CCNY: variants seen among roughly 807,000 people sequenced by gnomAD.
CCNY encodes the protein cyclin Y, also known as cyclin-Y.
In CCNY, 19 loss-of-function variants were observed where a neutral mutation model predicts 42.8. The ratio of observed to expected loss-of-function variants is 0.44; its 90% CI spans 0.31 to 0.65. CCNY has a LOEUF of 0.65. Ranked by LOEUF, CCNY falls within the 30% of genes least tolerant of loss-of-function variation. The pLI, the probability that CCNY is intolerant of heterozygous loss-of-function variation, is 0.07. For synonymous variants in CCNY, 165 were observed against 162.7 expected (o/e 1.01, Z -0.11); for missense variants, 370 against 437.3 (o/e 0.85, Z 1.37).
intron 5 of CCNY, among the ~76,000 whole-genome samples, chr10:35,526,538 A>T (rs1413184027): frequency 6.6e-6 from 1 of 152,250 alleles, no homozygotes; most frequent in African/African-American, 2.4e-5. Flanking sequence ...TAAAACATGT[A>T]AGAATACATT....
intron 1 of CCNY, among the ~76,000 whole-genome samples, chr10:35,470,586 G>A (rs1839373069): frequency 6.6e-6 from 1 of 152,234 alleles, no homozygotes; most frequent in Non-Finnish European, 1.5e-5. Context: ...AGTGTGTTAT[G>A]ATAGTCCAGA....
intron 1 of CCNY, among the ~76,000 whole-genome samples, chr10:35,471,171 T>G (rs762412304): frequency 3.9e-5 from 6 of 152,054 alleles, no homozygotes; most frequent in Non-Finnish European, 5.9e-5. Flanking sequence ...TGTCTAGACC[T>G]AAGTGGACAG....
At chr10:35,544,420 A>T (rs556384523) in intron 7 of CCNY, among the ~76,000 whole-genome samples, 141 of 152,362 alleles carry the variant, frequency 9.3e-4, no homozygotes, top group Non-Finnish European at 1.7e-3. Flanking sequence ...TTGGAGCAAT[A>T]GGTCATACCA....
At chr10:35,483,705 T>C (rs1189444966) in intron 2 of CCNY, among the ~76,000 whole-genome samples, 1 of 152,242 alleles carries the variant, frequency 6.6e-6, no homozygotes, top group African/African-American at 2.4e-5. Context: ...ATCAGCTATA[T>C]TATTTCTACA....
intron 1 of CCNY, among the ~76,000 whole-genome samples, chr10:35,480,975 A>T (rs1384136977): frequency 6.6e-6 from 1 of 152,212 alleles, no homozygotes; most frequent in African/African-American, 2.4e-5. Flanking sequence ...CAAAAACAAA[A>T]AAACAAACCA....
At chr10:35,454,417 C>G (rs192412746) in intron 1 of CCNY, among the ~76,000 whole-genome samples, 3 of 152,356 alleles carry the variant, frequency 2.0e-5, no homozygotes, top group Admixed American at 2.0e-4. Flanking sequence ...GTGAACCCCC[C>G]ACCAGGAACT....
intron 3 of CCNY, among the ~76,000 whole-genome samples, chr10:35,512,634 A>G (rs1050033569): frequency 1.3e-5 from 2 of 152,158 alleles, no homozygotes; most frequent in African/African-American, 4.8e-5. Flanking sequence ...CATTTTGAAG[A>G]AGCCGAGGGA....
At chr10:35,365,053 G>A (rs372955834) in intron 1 of CCNY, among the ~76,000 whole-genome samples, 1 of 152,152 alleles carries the variant, frequency 6.6e-6, no homozygotes, top group East Asian at 1.9e-4. Context: ...TTTGGAAGGT[G>A]GAAAATTCCA....
chr10:35,294,319 A>G (rs779034567), intron 3 of CCNY, among the ~76,000 whole-genome samples: 1 of 152,190 alleles, frequency 6.6e-6, no homozygotes, highest in African/African-American at 2.4e-5. Flanking sequence ...GAGAGCAGAT[A>G]TCTTTGTCTT....
intron 1 of CCNY, among the ~76,000 whole-genome samples, chr10:35,457,742 G>A (rs1160446283): frequency 2.0e-5 from 3 of 151,866 alleles, no homozygotes; most frequent in Non-Finnish European, 4.4e-5. Context: ...CACCACACCC[G>A]GCTAATTTTT....
At chr10:35,423,541 G>A (rs1326195028) in intron 1 of CCNY, among the ~76,000 whole-genome samples, 1 of 150,456 alleles carries the variant, frequency 6.6e-6, no homozygotes, top group Non-Finnish European at 1.5e-5. Flanking sequence ...GACGTACATT[G>A]AGGGTGTTTG....
intron 8 of CCNY, among the ~76,000 whole-genome samples, chr10:35,559,394 A>G (rs1195460894): frequency 6.6e-6 from 1 of 152,238 alleles, no homozygotes; most frequent in Non-Finnish European, 1.5e-5. Flanking sequence ...TGCTCGTAGT[A>G]TACTGTGAGA....
In CCNY at chr10:35,563,666, T is replaced by G. The variant is rs924111534; in HGVS notation, c.747-2357T>G. Reference sequence around the variant, plus strand: ...ATTTAAATGAAGCATAAATAAAAGTTGTTTTAAGTAAAAATTATCCCAAAT... The same window carrying G: ...ATTTAAATGAAGCATAAATAAAAGTGGTTTTAAGTAAAAATTATCCCAAAT... On this transcript the variant is annotated intron_variant, in intron 8 of 9. Coordinates refer to ENST00000374704, the MANE Select transcript of CCNY (RefSeq NM_145012.6). 9.8e-4 allele frequency among the ~76,000 whole-genome samples: 150 copies of G among 152,306 alleles called. 2 individuals are homozygous for G. Among genetic ancestry groups the G allele is most frequent in the Non-Finnish European group, 1.8e-4 (12 of 68,022 alleles).
At chr10:35,454,371 G>T (rs372338304) in intron 1 of CCNY, among the ~76,000 whole-genome samples, 2 of 152,234 alleles carry the variant, frequency 1.3e-5, no homozygotes, top group South Asian at 2.1e-4. Context: ...GCGGTTCAGC[G>T]CAGGTTTACC....
chr10:35,486,551 G>A (rs1489139866), intron 2 of CCNY, among the ~76,000 whole-genome samples: 4 of 152,100 alleles, frequency 2.6e-5, no homozygotes. Context: ...CTAGTCCCTG[G>A]TCTGTGCTGC....
chr10:35,416,731 A>T (rs1838033184), intron 1 of CCNY, among the ~76,000 whole-genome samples: 2 of 152,140 alleles, frequency 1.3e-5, no homozygotes, highest in African/African-American at 2.4e-5. Flanking sequence ...GATGGCTGAA[A>T]TGGGGCCCAG....
chr10:35,256,495 G>T lies in CCNY; in HGVS notation c.-9+5869G>T, dbSNP rs534624631. ...ACACCTGTAATTCCAGCACTCTGGG[G>T]GGTCAAGGTGGCTGGATCACAAGGT... On this transcript the variant is annotated intron_variant, in intron 3 of 11. Coordinates refer to the CCNY transcript ENST00000374706. Among the ~76,000 whole-genome samples, 31 of 152,114 alleles carry T rather than the reference G, an allele frequency of 2.0e-4. No homozygotes were observed. The South Asian group carries it at 6.4e-3, about 32-fold the overall frequency.
intron 1 of CCNY, among the ~76,000 whole-genome samples, chr10:35,465,938 A>AGAGAGAGAGAGAGAGAGAGAGAGT: frequency 4.9e-5 from 4 of 81,030 alleles, no homozygotes; most frequent in African/African-American, 1.7e-4. Context: ...AGAGAGAGAG[A>AGAGAGAGAGAGAGAGAGAGAGAGT]GTGTGTGTGT....
intron 3 of CCNY, among the ~76,000 whole-genome samples, chr10:35,291,274 T>G (rs1030998203): frequency 6.6e-6 from 1 of 152,170 alleles, no homozygotes; most frequent in Non-Finnish European, 1.5e-5. Context: ...CTCATAGTGC[T>G]GGGATTACAG....
Sources: allele counts gnomAD v4.1 joint callset (sites outside exome capture counted in the v4.1 genomes callset), GRCh38; gene constraint gnomAD v4.1.1; transcripts MANE v1.5; gene names NCBI Gene and HGNC (gene_info 2026-07-23, HGNC 2026-07-21).